Variants in NFRKB observed in about 807,000 individuals in gnomAD.
The protein encoded by NFRKB is nuclear factor related to kappa-B-binding protein.
A neutral mutation model predicts 135.7 loss-of-function variants in NFRKB; 62 were observed. The ratio of observed to expected loss-of-function variants is 0.46; its 90% CI spans 0.37 to 0.56. The LOEUF is 0.56. Ranked by LOEUF, NFRKB falls within the 20% of genes least tolerant of loss-of-function variation. The probability of loss-of-function intolerance (pLI) is 0.00; values close to 1 mark genes in which losing one functional copy is unlikely to be tolerated. For missense variants in NFRKB, 1,545 were observed against 1,662.0 expected (o/e 0.93, Z 1.22); for synonymous variants, 678 against 635.6 (o/e 1.07, Z -1.00).
chr11:129,889,265 G>A (rs1591532873), intron 3 of NFRKB, among the ~76,000 whole-genome samples: 3 of 151,694 alleles, frequency 2.0e-5, no homozygotes, highest in Admixed American at 2.0e-4. Context: ...CCTGGCCTAA[G>A]ATTTTTTAAA....
At position 129,865,987 on chromosome 11, in the gene NFRKB, GA is replaced by G. The variant is rs770362141; in HGVS notation, c.3532-5del. 4.9e-5 allele frequency: 76 copies of G among 1,552,372 alleles called. No individual in the cohort carries two copies. Among genetic ancestry groups the G allele is most frequent in the Admixed American group, 2.6e-4 (13 of 50,078 alleles). On this transcript the variant is annotated splice_region_variant and splice_polypyrimidine_tract_variant and intron_variant, in intron 24 of 26. Coordinates refer to ENST00000682444, the MANE Select transcript of NFRKB (RefSeq NM_001143835.2). ...TGATCCGTGTAGGCAACTTCCCCTA[GA>G]AAAAAAAAGCAGTCAGGTTTTGTAA... is the stretch of plus-strand genomic sequence containing the variant.
Position 129,885,431 on chromosome 11 carries a change from T to G in NFRKB, c.640+4A>C, listed in dbSNP as rs1189134425. The G allele has an allele frequency of 6.2e-6, 10 of 1,600,558 alleles. No homozygotes were observed. Among genetic ancestry groups the G allele is most frequent in the Non-Finnish European group, 7.7e-6 (9 of 1,169,450 alleles). On this transcript the variant is annotated splice_donor_region_variant and intron_variant, in intron 6 of 26. Coordinates refer to ENST00000682444, the MANE Select transcript of NFRKB (RefSeq NM_001143835.2). ...AGCTACCCCAAGTGCCCGAGGACAC[T>G]CACCCTCTTCATCAGATGACAGGGC...
intron 4 of NFRKB, among the ~76,000 whole-genome samples, chr11:129,887,338 TTAATGA>T (rs1215335952): frequency 1.3e-5 from 2 of 152,172 alleles, no homozygotes; most frequent in African/African-American, 4.8e-5. Flanking sequence ...ACACTGCTTC[TTAATGA>T]TAAAGGAATA....
intron 4 of NFRKB, chr11:129,888,250 G>C: frequency 1.7e-6 from 1 of 581,782 alleles, no homozygotes. Flanking sequence ...ACCTTGATAC[G>C]TGCAATAAAG....
rs1591491889 is a variant in NFRKB, at chr11:129,874,396, C to T, written c.2059-63G>A. 2.0e-6 allele frequency: 3 copies of T among 1,531,344 alleles called. No individual in the cohort carries two copies. The highest frequency in any genetic ancestry group is 1.8e-4 in the Middle Eastern group (1 of 5,652). 94.9% of individuals were successfully genotyped at this position (1,531,344 alleles called of 1,614,324 possible). On this transcript the variant is annotated intron_variant, in intron 20 of 26. Transcript: ENST00000682444. This position sits in a 1 kb window ranked among gnomAD's most constrained non-coding sequence, Gnocchi z 4.5. ...GAAGATCCCCCTAAAGGAAGGGACA[C>T]CCCTACAGCTCCTGATGCCCCACAC...
chr11:129,874,123 A>G lies in NFRKB; in HGVS notation c.2269T>C (p.Ser757Pro). ...GPSTVSEPAK[S>P]SSGVLLVSSP... ...AAAGGAGGAACTTACCCCGAGCTAG[A>G]CTTAGCTGGTTCTGAGACTGTGGAA... Residue 757 changes from serine to proline, a missense_variant, in exon 21 of 27, where the codon TCT (serine) becomes CCT (proline). Ser to Pro is a moderately conservative substitution (Grantham distance 74, BLOSUM62 -1). Transcript: ENST00000682444. The surrounding 1 kb of genome is among the most constrained non-coding windows in gnomAD (Gnocchi z 4.5). The G allele has an allele frequency of 5.2e-6, 8 of 1,542,478 alleles. No homozygotes were observed. Among genetic ancestry groups the G allele is most frequent in the Non-Finnish European group, 7.0e-6 (8 of 1,144,656 alleles).
At chr11:129,870,290 G>A in intron 23 of NFRKB, 29 bp from the exon 24 acceptor site, 1 of 1,596,596 alleles carries the variant, frequency 6.3e-7, no homozygotes, top group South Asian at 1.1e-5. Context: ...CACTGATGAG[G>A]GATTCACAAT....
chr11:129,874,533 GA>G lies in NFRKB; in HGVS notation c.2025del (p.Leu676PhefsTer11). ...GATGGGGGCTTGGGTTTTTGCTGAAGAGCTTTTCTGGCTTTAGCTGCAGCTG... is the reference window on the plus strand; with the variant it reads ...GATGGGGGCTTGGGTTTTTGCTGAAGGCTTTTCTGGCTTTAGCTGCAGCTG... ...AQAAAAKARKALQQKPKPPSK... is the reference protein window; with the variant it reads ...AQAAAAKARKXLQQKPKPPSK... On this transcript the variant is annotated frameshift_variant, in exon 20 of 27. Coordinates refer to ENST00000682444, the MANE Select transcript of NFRKB (RefSeq NM_001143835.2). LOFTEE classifies it high-confidence loss of function. This position sits in a 1 kb window ranked among gnomAD's most constrained non-coding sequence, Gnocchi z 4.5. 6.2e-7 allele frequency: 1 copy of G among 1,614,138 alleles called. No individual in the cohort carries two copies.
chr11:129,871,209 T>A (rs1342889517), intron 23 of NFRKB, among the ~76,000 whole-genome samples: 2 of 152,362 alleles, frequency 1.3e-5, no homozygotes, highest in African/African-American at 4.8e-5. Flanking sequence ...ATTGGTTTTT[T>A]AATCTGTATT....
Position 129,873,089 on chromosome 11 carries a change from A to C in NFRKB, c.2558T>G (p.Met853Arg). ...TQTKVVPQTV[M>R]ATVPVKAQTT... Reference sequence around the variant, plus strand: ...CTGCGCTTTGACGGGCACAGTGGCCATTACTGTCTAGTTGAGGGCATGAGG... The same window carrying C: ...CTGCGCTTTGACGGGCACAGTGGCCCTTACTGTCTAGTTGAGGGCATGAGG... The change falls in exon 23 of 27, where the codon ATG becomes AGG. Residue 853 changes from methionine to arginine, a missense_variant. This residue lies in a region of NFRKB where 753 missense variants were observed against 804.3 expected (regional missense o/e 0.94). Transcript: ENST00000682444. 1 of 1,603,968 alleles carries C rather than the reference A, an allele frequency of 6.2e-7. No homozygotes were observed. The highest frequency in any genetic ancestry group is 1.1e-5 in the South Asian group (1 of 90,028).
At position 129,874,640 on chromosome 11, in the gene NFRKB, G is replaced by T; in HGVS notation, c.1979-60C>A. 1 of 1,605,980 alleles carries T rather than the reference G, an allele frequency of 6.2e-7. No individual in the cohort carries two copies. Among genetic ancestry groups the T allele is most frequent in the Non-Finnish European group, 8.5e-7 (1 of 1,175,686 alleles). On this transcript the variant is annotated intron_variant, in intron 19 of 26. Coordinates refer to ENST00000682444, the MANE Select transcript of NFRKB (RefSeq NM_001143835.2). This position sits in a 1 kb window ranked among gnomAD's most constrained non-coding sequence, Gnocchi z 4.5. ...TAACCTTAGCAAACTAAAAAGAGGG[G>T]CTTTGTTAAAAACCAACACCTTGCC...
Position 129,869,743 on chromosome 11 carries a change from C to T in NFRKB, c.3282G>A (p.Leu1094=), listed in dbSNP as rs1948403808. 1.2e-6 allele frequency: 2 copies of T among 1,614,272 alleles called. No homozygotes were observed. The highest frequency in any genetic ancestry group is 1.3e-5 in the African/African-American group (1 of 75,072). Residue 1094 remains leucine, a synonymous_variant, in exon 24 of 27, where the codon CTG becomes CTA. Transcript: ENST00000682444. ...PAATIRIVQG[L]GVMPPKAGQT... is the part of the protein sequence containing the mutation. ...GGCCTGCTTTGGGAGGCATCACTCC[C>T]AGTCCCTGCACGATGCGGATCGTGG...
At chr11:129,877,449 T>G in intron 15 of NFRKB, 64 bp from the exon 16 acceptor site, 1 of 1,449,564 alleles carries the variant, frequency 6.9e-7, no homozygotes, top group East Asian at 2.3e-5. Flanking sequence ...CCATTGCCCC[T>G]GCTTCAGAAC....
chr11:129,866,846 C>G (rs368710228), intron 24 of NFRKB, among the ~76,000 whole-genome samples: 1 of 152,014 alleles, frequency 6.6e-6, no homozygotes, highest in African/African-American at 2.4e-5. Flanking sequence ...CAGCATTCCA[C>G]AGAGGCAGGC....
rs1163292424 is a variant in NFRKB at position 129,864,598 on chromosome 11, G to A, written c.*127C>T. ...ATCCAGGCCACGAATCCAGGCCACC[G>A]TTGCCATCACCCCTCGCCTGGCTGC... On this transcript the variant is annotated 3_prime_UTR_variant, in exon 27 of 27. Transcript: ENST00000682444. 6.0e-6 allele frequency: 8 copies of A among 1,344,524 alleles called. No individual in the cohort carries two copies. The highest frequency in any genetic ancestry group is 3.9e-5 in the Admixed American group (2 of 51,154). 83.3% of individuals were successfully genotyped at this position (1,344,524 alleles called of 1,614,324 possible).
At position 129,877,344 on chromosome 11, in the gene NFRKB, T is replaced by C. The variant is rs1348595632; in HGVS notation, c.1553A>G (p.Lys518Arg). 4.3e-6 allele frequency: 7 copies of C among 1,614,138 alleles called. No individual in the cohort carries two copies. Among genetic ancestry groups the C allele is most frequent in the South Asian group, 2.2e-5 (2 of 91,080 alleles). Residue 518 changes from lysine (K) to arginine (R), a missense_variant, in exon 16 of 27, where the codon AAA becomes AGA. Coordinates refer to ENST00000682444, the MANE Select transcript of NFRKB (RefSeq NM_001143835.2). ...YVVRPSTGEE[K>R]RVFQEQERYR... ...TCTTACCTGCTCCTGAAAAACCCGTTTCTCCTCCCCCGTGCTGGGACGCAC... is the reference window on the plus strand; with the variant it reads ...TCTTACCTGCTCCTGAAAAACCCGTCTCTCCTCCCCCGTGCTGGGACGCAC...
At chr11:129,889,213 C>T (rs1949421449) in intron 3 of NFRKB, among the ~76,000 whole-genome samples, 1 of 152,150 alleles carries the variant, frequency 6.6e-6, no homozygotes, top group Non-Finnish European at 1.5e-5. Flanking sequence ...CTGCCTGCTT[C>T]GGCCTCCCAA....
At position 129,877,867 on chromosome 11, in the gene NFRKB, A is replaced by G. The variant is rs187766104; in HGVS notation, c.1511+442T>C. Among the ~76,000 whole-genome samples, 57 of 152,260 alleles carry G rather than the reference A, an allele frequency of 3.7e-4. 1 individual carries two copies. The highest frequency in any genetic ancestry group is 7.2e-4 in the Admixed American group (11 of 15,296). Reference sequence around the variant, plus strand: ...GAAAACTACCGAACCATGCCAGGGAAGAAAAAGAAACATGGGACAATGTGA... The same window carrying G: ...GAAAACTACCGAACCATGCCAGGGAGGAAAAAGAAACATGGGACAATGTGA... On this transcript the variant is annotated intron_variant, in intron 15 of 26. Coordinates refer to ENST00000682444, the MANE Select transcript of NFRKB (RefSeq NM_001143835.2).
intron 24 of NFRKB, among the ~76,000 whole-genome samples, chr11:129,866,238 G>A (rs1416798977): frequency 1.3e-5 from 2 of 152,062 alleles, no homozygotes; most frequent in African/African-American, 4.8e-5. Context: ...CCATCTATCT[G>A]CTTTCAACAG....
Sources: gnomAD v4.1 joint callset for allele counts (sites outside exome capture counted in the v4.1 genomes callset) on GRCh38, gnomAD v4.1.1 for gene constraint, gnomAD v4.1.1 regional missense constraint, Gnocchi (gnomAD v3.1) non-coding constraint, MANE v1.5 for transcripts, NCBI Gene and HGNC (gene_info 2026-07-23, HGNC 2026-07-21) for gene names.